Variants in CAPRIN1 observed in about 807,000 individuals in gnomAD.
CAPRIN1 encodes cell cycle associated protein 1, also known as caprin-1.
Under a neutral mutation model 100.9 loss-of-function variants are expected in CAPRIN1, and 29 were observed. The ratio of observed to expected loss-of-function variants is 0.29; its 90% confidence interval spans 0.21 to 0.39. The LOEUF is 0.39. Ranked by LOEUF, CAPRIN1 falls within the 10% of genes least tolerant of loss-of-function variation. CAPRIN1 has a pLI of 1.00. For synonymous variants in CAPRIN1, 338 were observed against 307.5 expected (o/e 1.10, Z -1.04); for missense variants, 795 against 876.7 (o/e 0.91, Z 1.18).
At chr11:34,087,356 C>T (rs1376004382) in intron 11 of CAPRIN1, among the ~76,000 whole-genome samples, 2 of 72,054 alleles carry the variant, frequency 2.8e-5, no homozygotes, top group Admixed American at 2.0e-4. Flanking sequence ...TTTTTTGAGA[C>T]GGAGTCTCGC....
At chr11:34,053,126 C>T in intron 2 of CAPRIN1, 1 of 992,082 alleles carries the variant, frequency 1.0e-6, no homozygotes, top group Non-Finnish European at 1.2e-6. Flanking sequence ...ACCATGCACT[C>T]GAGACCTGTC....
At chr11:34,081,647 C>G (rs530657785) in intron 7 of CAPRIN1, among the ~76,000 whole-genome samples, 1 of 151,992 alleles carries the variant, frequency 6.6e-6, no homozygotes, top group Non-Finnish European at 1.5e-5. Context: ...GTGCATGGCA[C>G]CACACCTGAC....
At chr11:34,084,820 G>C (rs944334056) in intron 9 of CAPRIN1, among the ~76,000 whole-genome samples, 1 of 152,124 alleles carries the variant, frequency 6.6e-6, no homozygotes, top group Non-Finnish European at 1.5e-5. Flanking sequence ...TAGAATGCAA[G>C]GTAAATATTG....
rs984977477 is a variant in CAPRIN1, at chr11:34,072,746, A to G, written c.366+759A>G. 2.0e-5 allele frequency among the ~76,000 whole-genome samples: 3 copies of G among 152,236 alleles called. No individual in the cohort carries two copies. The South Asian group carries it at 6.2e-4, about 32-fold the overall frequency. On this transcript the variant is annotated intron_variant, in intron 4 of 18. Transcript: ENST00000341394. ...AAATTAAGCCATCTGAATAAGTGTCATCTTCTTTGGAGAAGACTAATAACA... is the reference window on the plus strand; with the variant it reads ...AAATTAAGCCATCTGAATAAGTGTCGTCTTCTTTGGAGAAGACTAATAACA...
intron 2 of CAPRIN1, among the ~76,000 whole-genome samples, chr11:34,069,803 C>T (rs974101128): frequency 4.6e-5 from 7 of 151,030 alleles, no homozygotes; most frequent in East Asian, 1.9e-4. Flanking sequence ...GTTTTATTTA[C>T]CTCCAGTGTT....
chr11:34,064,762 C>T (rs1213584056), intron 2 of CAPRIN1, among the ~76,000 whole-genome samples: 7 of 152,094 alleles, frequency 4.6e-5, no homozygotes, highest in African/African-American at 7.2e-5. Flanking sequence ...TCTCTCACCT[C>T]TCCTTCTCAA....
chr11:34,090,433 G>A, intron 13 of CAPRIN1, 96 bp from the exon 14 acceptor site: 2 of 1,421,062 alleles, frequency 1.4e-6, no homozygotes, highest in Admixed American at 3.7e-5. Context: ...ATACATATAA[G>A]TTTGAGATTA....
intron 4 of CAPRIN1, among the ~76,000 whole-genome samples, chr11:34,075,912 A>G (rs1188606303): frequency 2.6e-5 from 4 of 152,216 alleles, no homozygotes; most frequent in East Asian, 3.8e-4. Flanking sequence ...CTCATGGTCA[A>G]TCGTATTTCA....
At chr11:34,052,859 A>G (rs1850357000) in intron 2 of CAPRIN1, 10 of 1,427,042 alleles carry the variant, frequency 7.0e-6, no homozygotes, top group East Asian at 5.2e-5. Flanking sequence ...CGGACGCGGC[A>G]CTGTACCCCA....
At chr11:34,052,348 G>C (rs1590713261) in intron 1 of CAPRIN1, 73 bp from the exon 2 acceptor site, 3 of 1,237,464 alleles carry the variant, frequency 2.4e-6, no homozygotes, top group African/African-American at 1.5e-5. Context: ...CCCGCGTCTC[G>C]CCCCGTCCGT....
At chr11:34,093,901 A>G (rs903170476) in intron 15 of CAPRIN1, among the ~76,000 whole-genome samples, 1 of 138,116 alleles carries the variant, frequency 7.2e-6, no homozygotes, top group Non-Finnish European at 1.6e-5. Context: ...CAGGGCCTTC[A>G]TACTTACTTT....
intron 17 of CAPRIN1, among the ~76,000 whole-genome samples, 160 bp from the exon 18 acceptor site, chr11:34,097,535 TAGA>T (rs1489598223): frequency 6.6e-6 from 1 of 152,246 alleles, no homozygotes; most frequent in Admixed American, 6.5e-5. Flanking sequence ...TTGAGAATAG[TAGA>T]AGTACAACAA....
chr11:34,080,084 C>T (rs1253455845), intron 7 of CAPRIN1, among the ~76,000 whole-genome samples: 4 of 152,058 alleles, frequency 2.6e-5, no homozygotes, highest in East Asian at 3.9e-4. Flanking sequence ...CCACCACGCC[C>T]GGCTATTTTT....
In CAPRIN1 at chr11:34,089,449, C is replaced by A. The variant is rs143559873; in HGVS notation, c.1286C>A (p.Ala429Glu). The A allele has an allele frequency of 6.3e-7, 1 of 1,596,436 alleles. No individual in the cohort carries two copies. The highest frequency in any genetic ancestry group is 8.6e-7 in the Non-Finnish European group (1 of 1,165,440). The change falls in exon 12 of 19, where the codon GCG becomes GAG. Residue 429 changes from alanine to glutamate, a missense_variant. By Grantham distance (107) the Ala-to-Glu change is moderately radical. This residue lies in a region of CAPRIN1 where 648 missense variants were observed against 697.9 expected (regional missense o/e 0.93). Transcript: ENST00000341394. Reference protein sequence around the residue: ...QPNQVPVQPEATQVPLVSSTS... With the variant: ...QPNQVPVQPEETQVPLVSSTS... ...AATCAAGTTCCTGTACAACCAGAAG[C>A]GACACAGGTAAGAGTGATAAAACTA...
chr11:34,090,507 C>G, intron 13 of CAPRIN1, 22 bp from the exon 14 acceptor site: 1 of 1,603,946 alleles, frequency 6.2e-7, no homozygotes, highest in South Asian at 1.1e-5. Context: ...CGCTAAAGTG[C>G]ATCTATTCAC....
At chr11:34,053,108 G>A in intron 2 of CAPRIN1, 1 of 1,002,310 alleles carries the variant, frequency 1.0e-6, no homozygotes, top group Non-Finnish European at 1.2e-6. Flanking sequence ...GGGTCTGTCC[G>A]CTCGGTTACC....
intron 11 of CAPRIN1, among the ~76,000 whole-genome samples, chr11:34,088,486 G>A (rs992716693): frequency 1.3e-5 from 2 of 151,430 alleles, no homozygotes; most frequent in African/African-American, 2.4e-5. Context: ...CATAGACCTC[G>A]CCTCTACAAA....
intron 11 of CAPRIN1, among the ~76,000 whole-genome samples, chr11:34,087,734 A>G (rs1259031850): frequency 1.3e-5 from 2 of 152,222 alleles, no homozygotes; most frequent in African/African-American, 4.8e-5. Context: ...TACCAAAGGA[A>G]GAGAGTAAGT....
intron 9 of CAPRIN1, 24 bp from the exon 10 acceptor site, chr11:34,086,040 C>G (rs200891413): frequency 6.2e-7 from 1 of 1,611,228 alleles, no homozygotes. Context: ...CCTATTCCTT[C>G]TAATCCTTTT....
Sources: gnomAD v4.1 joint callset for allele counts (sites outside exome capture counted in the v4.1 genomes callset) on GRCh38, gnomAD v4.1.1 for gene constraint, gnomAD v4.1.1 regional missense constraint, MANE v1.5 for transcripts, NCBI Gene and HGNC (gene_info 2026-07-23, HGNC 2026-07-21) for gene names.